Variants in SATL1 observed in about 807,000 individuals in gnomAD.
SATL1 encodes the protein spermidine/spermine N1-acetyl transferase like 1, also known as spermidine/spermine N(1)-acetyltransferase-like protein 1.
In SATL1, 47 loss-of-function variants were observed where a neutral mutation model predicts 51.8. That is an observed-to-expected ratio of 0.91 (90% CI 0.72 to 1.16). SATL1 has a LOEUF of 1.16. SATL1 is among the 50% of genes most tolerant of loss of function. The pLI is 0.00. For missense variants in SATL1, 520 were observed against 526.4 expected (o/e 0.99, Z 0.12); for synonymous variants, 176 against 182.4 (o/e 0.97, Z 0.28).
intron 3 of SATL1, among the ~76,000 whole-genome samples, chrX:85,104,285 C>T (rs767924199): frequency 2.3e-4 from 26 of 111,776 alleles, no homozygotes; most frequent in African/African-American, 8.4e-4. Context: ...ACAGAGAAGT[C>T]TCTCAGGTGT....
chrX:85,132,055 G>T (rs958498207), intron 2 of SATL1, among the ~76,000 whole-genome samples: 5 of 110,944 alleles, frequency 4.5e-5, no homozygotes, highest in African/African-American at 1.6e-4. Context: ...TGGGTAACCT[G>T]ACTTTTCTCT....
chrX:85,117,163 G>T (rs1925398084), intron 2 of SATL1: 1 of 111,656 alleles, frequency 9.0e-6, no homozygotes, highest in African/African-American at 3.3e-5. Flanking sequence ...TAAGTCAAAG[G>T]TCAAACCGTG....
At chrX:85,198,482 G>A (rs1035986898) in intron 2 of SATL1, among the ~76,000 whole-genome samples, 8 of 111,293 alleles carry the variant, frequency 7.2e-5, no homozygotes, top group African/African-American at 2.3e-4. Context: ...CCATATCTTC[G>A]TCAGCATTTG....
At chrX:85,177,904 TA>T (rs200067025) in intron 2 of SATL1, among the ~76,000 whole-genome samples, 1,405 of 110,877 alleles carry the variant, frequency 0.013, 23 homozygotes, top group African/African-American at 0.043. Context: ...GGTTCACACC[TA>T]AAAAAAATCC....
chrX:85,158,829 C>A (rs989542399), intron 2 of SATL1, among the ~76,000 whole-genome samples: 1 of 111,493 alleles, frequency 9.0e-6, no homozygotes, highest in East Asian at 2.8e-4. Flanking sequence ...TAATCACAAA[C>A]TTACCATATT....
At chrX:85,204,976 G>A (rs1185920445) in intron 2 of SATL1, among the ~76,000 whole-genome samples, 1 of 111,641 alleles carries the variant, frequency 9.0e-6, no homozygotes, top group Non-Finnish European at 1.9e-5. Context: ...TTCTTATGAG[G>A]GCACAAAGAT....
rs769581693 is a variant in SATL1, at chrX:85,107,389, T to C, written c.1580A>G (p.Asp527Gly). The C allele has an allele frequency of 8.2e-7, 1 of 1,212,214 alleles. No homozygotes were observed. The highest frequency in any genetic ancestry group is 1.1e-6 in the Non-Finnish European group (1 of 895,516). Residue 527 changes from aspartate (D) to glycine (G), a missense_variant, in exon 3 of 8, where the codon GAT becomes GGT. By Grantham distance (94) the Asp-to-Gly change is moderately conservative (BLOSUM62 -1). Around this residue, in one of 3 missense-constraint regions of SATL1, gnomAD observed 488 missense variants for 474.3 expected, o/e 1.03. Coordinates refer to ENST00000644105, the MANE Select transcript of SATL1 (RefSeq NM_001367857.2). ...CTCTGCATGTCTTATTTGAAAGTAATCCATGCTTGTTTGCCTCATGCCCAT... is the reference window on the plus strand; with the variant it reads ...CTCTGCATGTCTTATTTGAAAGTAACCCATGCTTGTTTGCCTCATGCCCAT... ...SQMGMRQTSM[D>G]YFQIRHAEAG...
At chrX:85,119,332 C>T (rs941984775) in intron 2 of SATL1, among the ~76,000 whole-genome samples, 6 of 111,226 alleles carry the variant, frequency 5.4e-5, no homozygotes, top group Non-Finnish European at 7.5e-5. Context: ...TAAAGTATTG[C>T]GGAAAAAGTA....
chrX:85,236,798 T>C (rs1004576271), intron 1 of SATL1, among the ~76,000 whole-genome samples: 3 of 111,501 alleles, frequency 2.7e-5, no homozygotes, highest in Non-Finnish European at 5.7e-5. Flanking sequence ...ATGCCCACTT[T>C]CATGAGTATC....
rs748265879 is a variant in SATL1 at position 85,108,270 on chromosome X, A to G, written c.699T>C (p.Thr233=). The part of the protein sequence containing the change: ...PSQPGIRQPD[T]SQSCKNQTDM... ...CTGTTTGGTTCTTACATGATTGGCT[A>G]GTGTCTGGTTGCCTTATGCCTGGTT... is the stretch of plus-strand genomic sequence containing the variant. Residue 233 remains threonine, a synonymous_variant, in exon 3 of 8, where the codon ACT becomes ACC. Coordinates refer to ENST00000644105, the MANE Select transcript of SATL1 (RefSeq NM_001367857.2). The G allele has an allele frequency of 1.7e-6, 2 of 1,207,188 alleles. No homozygotes were observed. The highest frequency in any genetic ancestry group is 3.6e-5 in the African/African-American group (2 of 56,287).
intron 2 of SATL1, chrX:85,117,215 G>A (rs1925399583): frequency 9.0e-6 from 1 of 111,532 alleles, no homozygotes. Flanking sequence ...TCTTCCAGGT[G>A]TACTTTACTT....
At chrX:85,165,869 T>A (rs746861046) in intron 2 of SATL1, among the ~76,000 whole-genome samples, 22 of 111,660 alleles carry the variant, frequency 2.0e-4, no homozygotes, top group Non-Finnish European at 4.0e-4. Context: ...TTACCTGAGT[T>A]CAAACTGTAC....
chrX:85,103,307 T>C lies in SATL1; in HGVS notation c.1693+557A>G, dbSNP rs775432432. On this transcript the variant is annotated intron_variant, in intron 4 of 7. Transcript: ENST00000644105. ...GGTAGAATGTTCTCAGTTTATTACA[T>C]GCATTCTGAAGTATTCAACTTCAAG... Among the ~76,000 whole-genome samples the C allele has an allele frequency of 2.7e-5, 3 of 111,807 alleles. No individual in the cohort carries two copies. In the South Asian group the frequency reaches 1.1e-3, roughly 42 times the overall value.
chrX:85,184,077 G>T (rs1270259404), intron 2 of SATL1, among the ~76,000 whole-genome samples: 1 of 111,314 alleles, frequency 9.0e-6, no homozygotes, highest in African/African-American at 3.3e-5. Flanking sequence ...TTCACTTAAT[G>T]CCCTTCAGTT....
intron 2 of SATL1, among the ~76,000 whole-genome samples, chrX:85,142,049 T>TAAG (rs905989151): frequency 6.7e-5 from 7 of 104,459 alleles, no homozygotes; most frequent in African/African-American, 2.4e-4. Flanking sequence ...CTAATAATAT[T>TAAG]AAGTACATAC....
intron 2 of SATL1, among the ~76,000 whole-genome samples, chrX:85,184,463 G>C (rs1272940034): frequency 9.0e-6 from 1 of 111,178 alleles, no homozygotes; most frequent in Non-Finnish European, 1.9e-5. Context: ...GTAACTCTTA[G>C]ATTTGTCCTT....
Position 85,093,455 on chromosome X carries a change from GTC to G in SATL1, c.1877-232_1877-231del, listed in dbSNP as rs751389650. The G allele has an allele frequency of 2.1e-3, 780 of 366,196 alleles. 4 individuals are homozygous for G. The highest frequency in any genetic ancestry group is 0.018 in the African/African-American group (691 of 39,320). The allele number at this position is 366,196 out of a possible 1,213,427, so 30.2% of individuals were successfully genotyped here. On this transcript the variant is annotated intron_variant, in intron 6 of 7. Coordinates refer to ENST00000644105, the MANE Select transcript of SATL1 (RefSeq NM_001367857.2). ...ATTTTAAAGATCAGTGAAGAAGTGA[GTC>G]TCTGCCACTATTGTCTTATAACGGT...
Position 85,182,537 on chromosome X carries a change from T to A in SATL1, c.-313+41668A>T, listed in dbSNP as rs1416415508. Among the ~76,000 whole-genome samples the A allele has an allele frequency of 2.7e-5, 3 of 111,993 alleles. No homozygotes were observed. The Admixed American group carries it at 2.9e-4, about 11-fold the overall frequency. On this transcript the variant is annotated intron_variant, in intron 2 of 7. Transcript: ENST00000644105. ...TCTATATCGTAGCTACCGTGAATAG[T>A]GCTTCAGTAAACATGGTGGTGCAGA...
intron 2 of SATL1, among the ~76,000 whole-genome samples, chrX:85,145,729 C>T (rs900655507): frequency 8.2e-5 from 9 of 110,406 alleles, no homozygotes; most frequent in East Asian, 2.9e-4. Flanking sequence ...ATCACCTAAC[C>T]GATCTTTTCA....
Sources: gnomAD v4.1 joint callset for allele counts (sites outside exome capture counted in the v4.1 genomes callset) on GRCh38, gnomAD v4.1.1 for gene constraint, gnomAD v4.1.1 regional missense constraint, MANE v1.5 for transcripts, NCBI Gene and HGNC (gene_info 2026-07-23, HGNC 2026-07-21) for gene names.